Variants in FAM135A observed in about 807,000 individuals in gnomAD.
The protein encoded by FAM135A is family with sequence similarity 135 member A.
A neutral mutation model predicts 146.8 loss-of-function variants in FAM135A; 79 were observed. That is an observed-to-expected ratio of 0.54 (90% CI 0.45 to 0.65). The LOEUF is 0.65. Among genes scored for constraint, FAM135A ranks in the 30% least tolerant of loss-of-function variants. The probability of loss-of-function intolerance (pLI) is 0.00; values close to 1 mark genes in which losing one functional copy is unlikely to be tolerated. For missense variants in FAM135A, 1,623 were observed against 1,758.2 expected (o/e 0.92, Z 1.38); for synonymous variants, 562 against 603.6 (o/e 0.93, Z 1.01).
intron 10 of FAM135A, among the ~76,000 whole-genome samples, chr6:70,486,540 A>G (rs1014330477): frequency 2.6e-5 from 4 of 152,144 alleles, no homozygotes; most frequent in Admixed American, 6.6e-5. Context: ...CAAAACCATG[A>G]TTATTACTAC....
intron 3 of FAM135A, among the ~76,000 whole-genome samples, chr6:70,427,454 C>A (rs1280990681): frequency 6.6e-6 from 1 of 151,984 alleles, no homozygotes; most frequent in East Asian, 1.9e-4. Context: ...ATGGCTTAAA[C>A]CCCGGAGGCG....
chr6:70,414,332 C>T (rs1463353141), intron 1 of FAM135A, among the ~76,000 whole-genome samples: 1 of 152,164 alleles, frequency 6.6e-6, no homozygotes, highest in Non-Finnish European at 1.5e-5. Context: ...GCTTTAGCAT[C>T]GCTTTGCATT....
intron 8 of FAM135A, among the ~76,000 whole-genome samples, chr6:70,479,520 A>G (rs960115746): frequency 6.6e-6 from 1 of 152,202 alleles, no homozygotes; most frequent in Non-Finnish European, 1.5e-5. Flanking sequence ...TAAAAGCAGC[A>G]GCATCTTTAC....
At chr6:70,498,144 A>G (rs1010867730) in intron 11 of FAM135A, among the ~76,000 whole-genome samples, 3 of 152,128 alleles carry the variant, frequency 2.0e-5, no homozygotes, top group Admixed American at 6.5e-5. Context: ...TACTGCCTCA[A>G]TTTCAGACCT....
At chr6:70,450,733 T>G (rs1776875407) in intron 4 of FAM135A, among the ~76,000 whole-genome samples, 8 of 76,186 alleles carry the variant, frequency 1.1e-4, no homozygotes, top group East Asian at 6.7e-4. Flanking sequence ...TTTTTTTTTT[T>G]TTTTTTTTTT....
intron 11 of FAM135A, among the ~76,000 whole-genome samples, chr6:70,501,609 A>C (rs9455133): frequency 6.6e-6 from 1 of 152,022 alleles, no homozygotes; most frequent in Non-Finnish European, 1.5e-5. Flanking sequence ...TTGTAACCCA[A>C]GGTCCTGGTG....
At chr6:70,425,985 C>T (rs1770008888) in intron 2 of FAM135A, among the ~76,000 whole-genome samples, 2 of 151,956 alleles carry the variant, frequency 1.3e-5, no homozygotes, top group African/African-American at 4.8e-5. Context: ...CGCCTGTAGT[C>T]CCAGCTACTC....
At chr6:70,559,038 A>G (rs1801437891) in intron 21 of FAM135A, among the ~76,000 whole-genome samples, 2 of 152,240 alleles carry the variant, frequency 1.3e-5, no homozygotes, top group South Asian at 4.1e-4. Flanking sequence ...TTGCCTTATC[A>G]AAATGTCTCA....
chr6:70,551,090 C>CT (rs1392516388), intron 20 of FAM135A, among the ~76,000 whole-genome samples: 4 of 152,194 alleles, frequency 2.6e-5, no homozygotes, highest in African/African-American at 9.6e-5. Flanking sequence ...CAGGTTTGAT[C>CT]TTTCATCCAC....
Position 70,528,383 on chromosome 6 carries a change from T to C in FAM135A, c.3706T>C (p.Phe1236Leu). ...TCTGCTGGCATCCTCAGTACCTTAT[T>C]TTAGTGTAGAAGAAGAGGATGGTTC... is the stretch of plus-strand genomic sequence containing the variant. ...VPLLASSVPY[F>L]SVEEEDGSED... The change falls in exon 16 of 22, where the codon TTT becomes CTT. Residue 1236 changes from phenylalanine (F) to leucine (L), a missense_variant. Coordinates refer to ENST00000418814, the MANE Select transcript of FAM135A (RefSeq NM_001162529.3). The C allele has an allele frequency of 6.2e-7, 1 of 1,613,652 alleles. No individual in the cohort carries two copies. The highest frequency in any genetic ancestry group is 8.5e-7 in the Non-Finnish European group (1 of 1,179,778).
At chr6:70,428,490 AT>A in intron 4 of FAM135A, 71 bp downstream of exon 4, 1 of 1,022,864 alleles carries the variant, frequency 9.8e-7, no homozygotes. Flanking sequence ...TTAATTACAT[AT>A]TTTTATTCCA....
At chr6:70,464,658 CTTT>C (rs754818109) in intron 5 of FAM135A, among the ~76,000 whole-genome samples, 1 of 100,454 alleles carries the variant, frequency 1.0e-5, no homozygotes, top group Non-Finnish European at 2.2e-5. Flanking sequence ...TTCTTTCTTT[CTTT>C]TTTTTCTTTT....
At chr6:70,484,716 A>C (rs1461703356) in intron 10 of FAM135A, among the ~76,000 whole-genome samples, 2 of 152,228 alleles carry the variant, frequency 1.3e-5, no homozygotes, top group African/African-American at 4.8e-5. Flanking sequence ...ATCCCACAGG[A>C]GGCAGAGCTC....
chr6:70,553,493 AG>A (rs1800234524), intron 20 of FAM135A, among the ~76,000 whole-genome samples: 1 of 152,164 alleles, frequency 6.6e-6, no homozygotes, highest in Admixed American at 6.5e-5. Context: ...AGCTAAATTG[AG>A]TGGACCTTAA....
At chr6:70,457,358 G>A (rs912188047) in intron 5 of FAM135A, among the ~76,000 whole-genome samples, 1 of 152,176 alleles carries the variant, frequency 6.6e-6, no homozygotes, top group Non-Finnish European at 1.5e-5. Context: ...CTTTCCGTAC[G>A]TAGTTTCAGG....
At chr6:70,520,292 GAGTT>G (rs150182093) in intron 12 of FAM135A, among the ~76,000 whole-genome samples, 2,856 of 152,138 alleles carry the variant, frequency 0.019, 95 homozygotes, top group African/African-American at 0.065. Flanking sequence ...ATTTTGCTAT[GAGTT>G]AGTGCAAGGA....
intron 10 of FAM135A, among the ~76,000 whole-genome samples, chr6:70,489,139 A>G (rs755035689): frequency 3.3e-5 from 5 of 152,214 alleles, no homozygotes; most frequent in Non-Finnish European, 7.4e-5. Flanking sequence ...AATCAGAGGT[A>G]GAATATGTAA....
At chr6:70,488,062 T>G (rs1418071602) in intron 10 of FAM135A, among the ~76,000 whole-genome samples, 1 of 152,132 alleles carries the variant, frequency 6.6e-6, no homozygotes, top group Non-Finnish European at 1.5e-5. Flanking sequence ...CCCTTTGACC[T>G]AGCATCCCCA....
At position 70,489,137 on chromosome 6, in the gene FAM135A, G is replaced by A. The variant is rs192747585; in HGVS notation, c.824-1897G>A. 2.5e-3 allele frequency among the ~76,000 whole-genome samples: 376 copies of A among 152,162 alleles called. 3 individuals are homozygous for A. The highest frequency in any genetic ancestry group is 8.6e-3 in the African/African-American group (358 of 41,522). On this transcript the variant is annotated intron_variant, in intron 10 of 21. Transcript: ENST00000418814. ...ATTTTCTAATTTTTAAAAATCAGAGGTAGAATATGTAATTTCTAAGACTAA... is the reference window on the plus strand; with the variant it reads ...ATTTTCTAATTTTTAAAAATCAGAGATAGAATATGTAATTTCTAAGACTAA...
Sources: allele counts gnomAD v4.1 joint callset (sites outside exome capture counted in the v4.1 genomes callset), GRCh38; gene constraint gnomAD v4.1.1; transcripts MANE v1.5; gene names NCBI Gene and HGNC (gene_info 2026-07-23, HGNC 2026-07-21).